DCC: variants seen among roughly 807,000 people sequenced by gnomAD.
The protein encoded by DCC is netrin receptor DCC.
In DCC, 58 loss-of-function variants were observed where a neutral mutation model predicts 172.5. The observed-to-expected ratio is 0.34, with a 90% CI of 0.27 to 0.42. The LOEUF is 0.42. Ranked by LOEUF, DCC falls within the 10% of genes least tolerant of loss-of-function variation. DCC has a pLI of 1.00. For synonymous variants in DCC, 709 were observed against 644.5 expected, an observed-to-expected ratio of 1.10 and a Z score of -1.52; for missense variants, 1,740 against 1,791.0, an observed-to-expected ratio of 0.97 and a Z score of 0.51.
chr18:52,677,962 G>T (rs1320200085), intron 1 of DCC, among the ~76,000 whole-genome samples: 9 of 152,106 alleles, frequency 5.9e-5, no homozygotes, highest in Non-Finnish European at 1.2e-4. Context: ...AAAGTCAAGG[G>T]TAAGGCTAAA....
chr18:53,242,727 T>G (rs2056314938), intron 12 of DCC, among the ~76,000 whole-genome samples: 1 of 152,170 alleles, frequency 6.6e-6, no homozygotes, highest in African/African-American at 2.4e-5. Context: ...TGGACAGGCC[T>G]GATACACACC....
At chr18:53,214,791 A>G (rs991718825) in intron 11 of DCC, among the ~76,000 whole-genome samples, 1 of 152,176 alleles carries the variant, frequency 6.6e-6, no homozygotes, top group Non-Finnish European at 1.5e-5. Context: ...GTTGTTTTTA[A>G]ATTACTCACA....
chr18:52,450,468 A>G (rs191038798), intron 1 of DCC, among the ~76,000 whole-genome samples: 163 of 152,310 alleles, frequency 1.1e-3, no homozygotes, highest in African/African-American at 3.8e-3. Context: ...ACTCTATGCA[A>G]TTATTCTCAA....
chr18:53,071,661 GTATTGTT>G (rs1472062075), intron 7 of DCC, among the ~76,000 whole-genome samples: 1 of 152,186 alleles, frequency 6.6e-6, no homozygotes, highest in East Asian at 1.9e-4. Flanking sequence ...TATATGATGT[GTATTGTT>G]TATTAATCTC....
At chr18:53,186,488 C>A (rs2055284294) in intron 9 of DCC, among the ~76,000 whole-genome samples, 1 of 152,150 alleles carries the variant, frequency 6.6e-6, no homozygotes. Context: ...ATGAGCTGAG[C>A]TGCTTTAGGC....
chr18:53,158,000 A>G (rs2054771836), intron 8 of DCC, among the ~76,000 whole-genome samples: 1 of 152,214 alleles, frequency 6.6e-6, no homozygotes. Context: ...AATGCAAAAG[A>G]CAAATGCTTG....
intron 1 of DCC, among the ~76,000 whole-genome samples, chr18:52,606,477 G>A (rs1408414077): frequency 2.0e-5 from 3 of 151,962 alleles, no homozygotes; most frequent in East Asian, 1.9e-4. Flanking sequence ...ATAAACATAC[G>A]TGATCATTAT....
At chr18:52,875,547 T>A (rs1156674688) in intron 2 of DCC, among the ~76,000 whole-genome samples, 5 of 152,264 alleles carry the variant, frequency 3.3e-5, no homozygotes, top group East Asian at 1.9e-4. Context: ...CCCCAACTGT[T>A]GATACAAACT....
rs369426007 is a variant in DCC at position 53,446,124 on chromosome 18, A to AAAAAAAAAAAAAAAAAAAAAAAAC, written c.3230-4376_3230-4375insAAAAAAAAAAAAAAAAAAAAAAAC. Reference sequence around the variant, plus strand: ...AAAAAAAAAAAAAAAACAAAAAAAAACACTTAAAAATTTTCCAGGGATGGT... The same window carrying AAAAAAAAAAAAAAAAAAAAAAAAC: ...AAAAAAAAAAAAAAAACAAAAAAAAAAAAAAAAAAAAAAAAAAAAAAAACCACTTAAAAATTTTCCAGGGATGGT... On this transcript the variant is annotated intron_variant, in intron 22 of 28. Transcript: ENST00000442544. Among the ~76,000 whole-genome samples the AAAAAAAAAAAAAAAAAAAAAAAAC allele has an allele frequency of 4.3e-5, 5 of 117,172 alleles. 1 individual carries two copies. Among genetic ancestry groups the AAAAAAAAAAAAAAAAAAAAAAAAC allele is most frequent in the Non-Finnish European group, 7.4e-5 (4 of 54,396 alleles). 76.9% of individuals were successfully genotyped at this position (117,172 alleles called of 152,430 possible). A position where few individuals can be genotyped will look rare whatever the true frequency, so the allele number is the denominator to read the frequency against.
chr18:52,569,835 A>G (rs2033251828), intron 1 of DCC, among the ~76,000 whole-genome samples: 1 of 152,354 alleles, frequency 6.6e-6, no homozygotes, highest in Admixed American at 6.5e-5. Context: ...GGCAATGTGT[A>G]TTACATATCA....
chr18:53,165,419 T>C (rs569290276), intron 8 of DCC, among the ~76,000 whole-genome samples: 9 of 152,306 alleles, frequency 5.9e-5, no homozygotes, highest in African/African-American at 1.7e-4. Flanking sequence ...TTCCCCGCTC[T>C]TCAGAGTTGA....
chr18:53,255,304 T>G (rs192633894), intron 12 of DCC, among the ~76,000 whole-genome samples: 191 of 151,662 alleles, frequency 1.3e-3, no homozygotes, highest in African/African-American at 4.4e-3. Flanking sequence ...CATGTTGGTG[T>G]GCTGCACCCA....
chr18:52,655,316 C>T (rs2035225109), intron 1 of DCC, among the ~76,000 whole-genome samples: 1 of 152,044 alleles, frequency 6.6e-6, no homozygotes, highest in African/African-American at 2.4e-5. Flanking sequence ...AAGGTGAAAC[C>T]TTTCTTATTT....
At chr18:52,872,648 C>T (rs1227352379) in intron 2 of DCC, among the ~76,000 whole-genome samples, 1 of 152,184 alleles carries the variant, frequency 6.6e-6, no homozygotes, top group Non-Finnish European at 1.5e-5. Context: ...ATAGACATTA[C>T]TGATAAAGTT....
intron 2 of DCC, among the ~76,000 whole-genome samples, chr18:52,784,675 A>C (rs1173687389): frequency 1.3e-5 from 2 of 151,866 alleles, no homozygotes; most frequent in African/African-American, 2.4e-5. Flanking sequence ...TGATATTGAA[A>C]ATTTTTTAAA....
chr18:52,986,835 TAC>T lies in DCC; in HGVS notation c.985+61487_985+61488del, dbSNP rs147730924. ...ATATATACACACACACACATATACATACACACACACACACACACACACAAACA... is the reference window on the plus strand; with the variant it reads ...ATATATACACACACACACATATACATACACACACACACACACACACAAACA... On this transcript the variant is annotated intron_variant, in intron 5 of 28. Transcript: ENST00000442544. 1.5e-3 allele frequency among the ~76,000 whole-genome samples: 203 copies of T among 135,788 alleles called. 1 individual carries two copies. Among genetic ancestry groups the T allele is most frequent in the African/African-American group, 3.6e-3 (125 of 34,466 alleles). The allele number at this position is 135,788 out of a possible 152,430, so 89.1% of individuals were successfully genotyped here.
intron 1 of DCC, among the ~76,000 whole-genome samples, chr18:52,442,841 C>G (rs949837510): frequency 6.6e-6 from 1 of 152,134 alleles, no homozygotes; most frequent in African/African-American, 2.4e-5. Context: ...TACATCGGGT[C>G]AGAAAGCCAA....
chr18:52,937,571 G>A (rs992410326), intron 5 of DCC, among the ~76,000 whole-genome samples: 1 of 152,066 alleles, frequency 6.6e-6, no homozygotes, highest in Non-Finnish European at 1.5e-5. Flanking sequence ...GTGCAGTGGC[G>A]TGATCTCTGC....
intron 2 of DCC, among the ~76,000 whole-genome samples, chr18:52,808,698 G>C (rs1041932972): frequency 1.3e-5 from 2 of 152,046 alleles, no homozygotes; most frequent in East Asian, 1.9e-4. Flanking sequence ...CCTGTTGTAC[G>C]GACTCCTTGC....
Sources: gnomAD v4.1 joint callset for allele counts (sites outside exome capture counted in the v4.1 genomes callset) on GRCh38, gnomAD v4.1.1 for gene constraint, MANE v1.5 for transcripts, NCBI Gene and HGNC (gene_info 2026-07-23, HGNC 2026-07-21) for gene names.